ENO1: variants seen among roughly 807,000 people sequenced by gnomAD.
ENO1 encodes the protein enolase 1, also known as alpha-enolase.
A neutral mutation model predicts 46.3 loss-of-function variants in ENO1; 33 were observed. The ratio of observed to expected loss-of-function variants is 0.71; its 90% CI spans 0.54 to 0.95. The LOEUF (loss-of-function observed/expected upper bound fraction) is 0.95, where lower values mean the gene tolerates loss of function less well. Ranked by LOEUF, ENO1 falls within the 40% of genes least tolerant of loss-of-function variation. The pLI, the probability that ENO1 is intolerant of heterozygous loss-of-function variation, is 0.00. For synonymous variants in ENO1, 220 were observed against 216.0 expected, an observed-to-expected ratio of 1.02 and a Z score of -0.16; for missense variants, 488 against 553.3, an observed-to-expected ratio of 0.88 and a Z score of 1.18.
At chr1:8,863,102 T>C in intron 10 of ENO1, 133 bp downstream of exon 10, 2 of 1,344,428 alleles carry the variant, frequency 1.5e-6, no homozygotes, top group South Asian at 2.7e-5. Context: ...GCCCCCATTC[T>C]GTTCAGCCTC....
rs1642485406 is a variant in ENO1, at chr1:8,865,273, G to A, written c.865+12C>T. On this transcript the variant is annotated intron_variant, in intron 8 of 11. Transcript: ENST00000234590. ...TGGCAGGAAAGGGAGATGGCACTCGGGGAACACTCACCTGGGTAGTCCTTG... is the reference window on the plus strand; with the variant it reads ...TGGCAGGAAAGGGAGATGGCACTCGAGGAACACTCACCTGGGTAGTCCTTG... The A allele has an allele frequency of 1.2e-6, 2 of 1,613,234 alleles. No homozygotes were observed. The highest frequency in any genetic ancestry group is 3.3e-5 in the Admixed American group (2 of 59,974).
chr1:8,866,214 ACCC>A (rs1218945233), intron 7 of ENO1, 62 bp downstream of exon 7: 5 of 1,385,976 alleles, frequency 3.6e-6, no homozygotes, highest in African/African-American at 2.9e-5. Flanking sequence ...GGTGTGGACG[ACCC>A]CCCAACAGAG....
Position 8,868,070 on chromosome 1 carries a change from G to T in ENO1, c.241-13C>A. On this transcript the variant is annotated splice_polypyrimidine_tract_variant and intron_variant, in intron 4 of 11. Transcript: ENST00000234590. ...TGACGTTCAGTTTCTACGAGGGAGA[G>T]GGGAGAATGAGGGGTTGGGGCCACT... 1 of 1,609,678 alleles carries T rather than the reference G, an allele frequency of 6.2e-7. No homozygotes were observed. Among genetic ancestry groups the T allele is most frequent in the South Asian group, 1.1e-5 (1 of 90,964 alleles).
At chr1:8,874,148 A>G (rs868781699) in intron 2 of ENO1, among the ~76,000 whole-genome samples, 1 of 152,104 alleles carries the variant, frequency 6.6e-6, no homozygotes, top group African/African-American at 2.4e-5. Flanking sequence ...ATCACACTGT[A>G]TCCTGCATTT....
chr1:8,862,781 A>G (rs1407493549), intron 11 of ENO1, 106 bp downstream of exon 11: 3 of 1,289,502 alleles, frequency 2.3e-6, no homozygotes, highest in African/African-American at 3.0e-5. Flanking sequence ...CTGCACCTGT[A>G]CATGTTCCCA....
At position 8,865,316 on chromosome 1, in the gene ENO1, G is replaced by T. The variant is rs1441829886; in HGVS notation, c.834C>A (p.Asp278Glu). 1 of 1,614,158 alleles carries T rather than the reference G, an allele frequency of 6.2e-7. No individual in the cohort carries two copies. The highest frequency in any genetic ancestry group is 1.1e-5 in the South Asian group (1 of 91,082). The change falls in exon 8 of 12, where the codon GAC becomes GAA. Residue 278 changes from aspartate to glutamate, a missense_variant. By Grantham distance (45) the Asp-to-Glu change is conservative. Coordinates refer to ENST00000234590, the MANE Select transcript of ENO1 (RefSeq NM_001428.5). ...AGTCCTTGATGAAGGACTTGTACAG[G>T]TCAGCCAGCTGGTCAGGCGAGATGT... ...SRYISPDQLA[D>E]LYKSFIKDYP...
chr1:8,870,571 T>C (rs929205770), intron 3 of ENO1, 61 bp from the exon 4 acceptor site: 31 of 1,609,750 alleles, frequency 1.9e-5, no homozygotes, highest in Admixed American at 5.0e-5. Flanking sequence ...TGAGCAGCAT[T>C]GTTAGAGAGA....
chr1:8,875,165 G>C (rs1642710051), intron 1 of ENO1, among the ~76,000 whole-genome samples: 1 of 152,164 alleles, frequency 6.6e-6, no homozygotes, highest in African/African-American at 2.4e-5. Context: ...TTCCATTACT[G>C]GAACGCTAAG....
In ENO1 at chr1:8,861,257, G is replaced by A; in HGVS notation, c.*103C>T. 8.2e-7 allele frequency: 1 copy of A among 1,215,918 alleles called. No homozygotes were observed. Among genetic ancestry groups the A allele is most frequent in the South Asian group, 1.2e-5 (1 of 80,128 alleles). The allele number at this position is 1,215,918 out of a possible 1,614,324, so 75.3% of individuals were successfully genotyped here. On this transcript the variant is annotated 3_prime_UTR_variant, in exon 12 of 12. Transcript: ENST00000234590. ...CGGCGGTGGGGCGCTAACTAGCAGG[G>A]ACCCCTGCAAGTGTTGGTCGGGGGC...
At chr1:8,874,731 A>ATT in intron 2 of ENO1, 93 bp downstream of exon 2, 20 of 1,066,482 alleles carry the variant, frequency 1.9e-5, no homozygotes, top group East Asian at 2.6e-5. Flanking sequence ...GCTTTAACAG[A>ATT]TTTTTTTTTT....
intron 7 of ENO1, 57 bp downstream of exon 7, chr1:8,866,222 A>G (rs886424995): frequency 3.4e-6 from 5 of 1,484,634 alleles, no homozygotes; most frequent in East Asian, 2.3e-5. Flanking sequence ...CGACCCCCCA[A>G]CAGAGGGAGC....
intron 10 of ENO1, 107 bp downstream of exon 10, chr1:8,863,128 G>T: frequency 7.1e-7 from 1 of 1,402,920 alleles, no homozygotes; most frequent in Non-Finnish European, 9.8e-7. Flanking sequence ...CAAGAGCACT[G>T]ACTCAGGGGA....
chr1:8,863,142 G>A lies in ENO1; in HGVS notation c.1176+93C>T, dbSNP rs1642439410. The stretch of plus-strand genomic sequence containing the variant: ...ACAAGAGCACTGACTCAGGGGACAT[G>A]AGCAAAACGGGGACAGACATGGAGC... On this transcript the variant is annotated intron_variant, in intron 10 of 11. Transcript: ENST00000234590. The A allele has an allele frequency of 4.1e-6, 6 of 1,473,474 alleles. 1 individual carries two copies. The highest frequency in any genetic ancestry group is 4.6e-6 in the Non-Finnish European group (5 of 1,077,068). 91.3% of individuals were successfully genotyped at this position (1,473,474 alleles called of 1,614,324 possible). A position where few individuals can be genotyped will look rare whatever the true frequency, so the allele number is the denominator to read the frequency against.
intron 8 of ENO1, 83 bp downstream of exon 8, chr1:8,865,202 C>A: frequency 6.5e-7 from 1 of 1,537,902 alleles, no homozygotes; most frequent in Non-Finnish European, 8.9e-7. Flanking sequence ...CTCCTTGCAG[C>A]CATCACCAGC....
At chr1:8,870,387 G>A (rs1642604495) in intron 4 of ENO1, 65 bp downstream of exon 4, 1 of 1,601,528 alleles carries the variant, frequency 6.2e-7, no homozygotes, top group South Asian at 1.1e-5. Context: ...AAACAGGAAA[G>A]CCCCTGGGCC....
rs371183978 is a variant in ENO1, at chr1:8,861,219, G to A, written c.*141C>T. ...GCTTCTGTAGAAGTTCTAAGGAAGC[G>A]GTACGAACTCCACGGCGGTGGGGCG... On this transcript the variant is annotated 3_prime_UTR_variant, in exon 12 of 12. Transcript: ENST00000234590. 11 of 783,600 alleles carry A rather than the reference G, an allele frequency of 1.4e-5. No individual in the cohort carries two copies. The highest frequency in any genetic ancestry group is 1.8e-5 in the Non-Finnish European group (9 of 489,556). 48.5% of individuals were successfully genotyped at this position (783,600 alleles called of 1,614,324 possible).
rs199771237 is a variant in ENO1 at position 8,866,360 on chromosome 1, T to C, written c.586A>G (p.Ile196Val). Residue 196 changes from isoleucine (I) to valine (V), a missense_variant, in exon 7 of 12, where the codon ATC becomes GTC. Coordinates refer to ENST00000234590, the MANE Select transcript of ENO1 (RefSeq NM_001428.5). The stretch of plus-strand genomic sequence containing the variant: ...GCATCTTTCCCATATTTCTCCTTGA[T>C]GACATTCTTCAGGTTGTGGTAAACC... ...AEVYHNLKNV[I>V]KEKYGKDATN... 8.9e-5 allele frequency: 143 copies of C among 1,614,244 alleles called. 1 individual carries two copies. Among genetic ancestry groups the C allele is most frequent in the Non-Finnish European group, 2.2e-5 (26 of 1,180,046 alleles).
Position 8,871,913 on chromosome 1 carries a change from A to G in ENO1, c.159T>C (p.Asp53=). The G allele has an allele frequency of 6.2e-7, 1 of 1,614,150 alleles. No homozygotes were observed. Residue 53 remains aspartate, a synonymous_variant, in exon 3 of 12, where the codon GAT becomes GAC. Coordinates refer to ENST00000234590, the MANE Select transcript of ENO1 (RefSeq NM_001428.5). The part of the protein sequence containing the change: ...IYEALELRDN[D]KTRYMGKGVS... ...TACCCTTCCCCATATAGCGAGTCTT[A>G]TCATTGTCCCGGAGCTCTAGGGCCT...
At chr1:8,866,559 T>G in intron 6 of ENO1, 58 bp from the exon 7 acceptor site, 2 of 1,573,322 alleles carry the variant, frequency 1.3e-6, no homozygotes, top group Non-Finnish European at 1.7e-6. Flanking sequence ...CACAGGGCAG[T>G]AAGCCCCTCT....
Sources: gnomAD v4.1 joint callset for allele counts (sites outside exome capture counted in the v4.1 genomes callset) on GRCh38, gnomAD v4.1.1 for gene constraint, MANE v1.5 for transcripts, NCBI Gene and HGNC (gene_info 2026-07-23, HGNC 2026-07-21) for gene names.